Variants in NEFL observed in about 807,000 individuals in gnomAD.
NEFL encodes the protein neurofilament light polypeptide.
NEFL carries 36 observed loss-of-function variants against 51.6 expected under a neutral mutation model. That is an observed-to-expected ratio of 0.70 (90% CI 0.53 to 0.92). The LOEUF (loss-of-function observed/expected upper bound fraction) is 0.92, where lower values mean the gene tolerates loss of function less well. Among genes scored for constraint, NEFL ranks in the 40% least tolerant of loss-of-function variants. NEFL has a pLI of 0.00. For missense variants in NEFL, 671 were observed against 722.0 expected, an observed-to-expected ratio of 0.93 and a Z score of 0.81; for synonymous variants, 332 against 302.5, an observed-to-expected ratio of 1.10 and a Z score of -1.01.
Position 24,955,531 on chromosome 8 carries a change from G to C in NEFL, c.985C>G (p.Leu329Val), listed in dbSNP as rs1467459159. The C allele has an allele frequency of 6.2e-7, 1 of 1,613,022 alleles. No individual in the cohort carries two copies. Among genetic ancestry groups the C allele is most frequent in the Non-Finnish European group, 8.5e-7 (1 of 1,179,804 alleles). Reference sequence around the variant, plus strand: ...TCCAGCTCCTGCAGCTGCTTCTCCAGCGCTTCATTCATGCCCCGGCATGCT... The same window carrying C: ...TCCAGCTCCTGCAGCTGCTTCTCCACCGCTTCATTCATGCCCCGGCATGCT... ...IEACRGMNEALEKQLQELEDK... is the reference protein window; with the variant it reads ...IEACRGMNEAVEKQLQELEDK... Residue 329 changes from leucine (L) to valine (V), a missense_variant, in exon 1 of 4, where the codon CTG (leucine) becomes GTG (valine). Leu to Val is a conservative substitution (Grantham distance 32). Coordinates refer to ENST00000610854, the MANE Select transcript of NEFL (RefSeq NM_006158.5). The surrounding 1 kb of genome is among the most constrained non-coding windows in gnomAD (Gnocchi z 4.0).
At position 24,952,631 on chromosome 8, in the gene NEFL, T is replaced by G; in HGVS notation, c.*179A>C. The G allele has an allele frequency of 1.0e-6, 1 of 1,000,196 alleles. No homozygotes were observed. The highest frequency in any genetic ancestry group is 1.4e-6 in the Non-Finnish European group (1 of 698,966). 62.0% of individuals were successfully genotyped at this position (1,000,196 alleles called of 1,614,324 possible). On this transcript the variant is annotated 3_prime_UTR_variant, in exon 4 of 4. Transcript: ENST00000610854. ...CCACTCTGCAAGCAAACAGATACTC[T>G]GCATAAAGAGGAAATTCATAGCACA...
Position 24,953,657 on chromosome 8 carries a change from G to A in NEFL, c.1308C>T (p.Thr436=). ...TGGTGTAGTAGGACGGGAAGGAGCG[G>A]GTGGACATCAGATAGGAGCTGGTCT... is the stretch of plus-strand genomic sequence containing the variant. The part of the protein sequence containing the change: ...GLQTSSYLMS[T]RSFPSYYTSH... The change falls in exon 3 of 4, where the codon ACC becomes ACT. Residue 436 remains threonine, a synonymous_variant. Transcript: ENST00000610854. The A allele has an allele frequency of 3.1e-6, 5 of 1,613,954 alleles. No individual in the cohort carries two copies. The highest frequency in any genetic ancestry group is 4.2e-6 in the Non-Finnish European group (5 of 1,179,892).
In NEFL at chr8:24,956,599, G is replaced by C; in HGVS notation, c.-84C>G. The C allele has an allele frequency of 7.6e-7, 1 of 1,307,664 alleles. No individual in the cohort carries two copies. Among genetic ancestry groups the C allele is most frequent in the Non-Finnish European group, 1.1e-6 (1 of 927,758 alleles). 81.0% of individuals were successfully genotyped at this position (1,307,664 alleles called of 1,614,324 possible). ...AGGGGAGAGAGGGAAGGGGGAGGAT[G>C]GATGGCTGTGTGCGGCTCGGCGCCG... On this transcript the variant is annotated 5_prime_UTR_variant, in exon 1 of 4. Coordinates refer to ENST00000610854, the MANE Select transcript of NEFL (RefSeq NM_006158.5). This position sits in a 1 kb window ranked among gnomAD's most constrained non-coding sequence, Gnocchi z 5.9.
In NEFL at chr8:24,956,381, C is replaced by G; in HGVS notation, c.135G>C (p.Ala45=). ...GCACGGACAGCGAGGAAGACACCGGCGCCGAGTAGCTGGAGTAAGCTGAGC... is the reference window on the plus strand; with the variant it reads ...GCACGGACAGCGAGGAAGACACCGGGGCCGAGTAGCTGGAGTAAGCTGAGC... The part of the protein sequence containing the change: ...TARSAYSSYS[A]PVSSSLSVRR... The change falls in exon 1 of 4, where the codon GCG becomes GCC. Residue 45 remains alanine (A), a synonymous_variant. Transcript: ENST00000610854. This position sits in a 1 kb window ranked among gnomAD's most constrained non-coding sequence, Gnocchi z 5.9. 6.2e-7 allele frequency: 1 copy of G among 1,605,392 alleles called. No individual in the cohort carries two copies. Among genetic ancestry groups the G allele is most frequent in the Non-Finnish European group, 8.5e-7 (1 of 1,176,462 alleles).
rs1803026422 is a variant in NEFL at position 24,955,153 on chromosome 8, G to A, written c.1044+319C>T. On this transcript the variant is annotated intron_variant, in intron 1 of 3. Transcript: ENST00000610854. This position sits in a 1 kb window ranked among gnomAD's most constrained non-coding sequence, Gnocchi z 4.0. ...TGCAAAGTAACTTGTGGTTAATGCA[G>A]GTCAGTAGAGAGCTGATCTCACTGC... 3 of 417,264 alleles carry A rather than the reference G, an allele frequency of 7.2e-6. No individual in the cohort carries two copies. The highest frequency in any genetic ancestry group is 4.2e-5 in the East Asian group (1 of 23,938). The allele number at this position is 417,264 out of a possible 1,614,324, so 25.8% of individuals were successfully genotyped here. A position where few individuals can be genotyped will look rare whatever the true frequency, so the allele number is the denominator to read the frequency against.
chr8:24,955,507 C>G lies in NEFL; in HGVS notation c.1009G>C (p.Glu337Gln). 1.9e-6 allele frequency: 3 copies of G among 1,612,180 alleles called. No individual in the cohort carries two copies. The highest frequency in any genetic ancestry group is 1.3e-5 in the African/African-American group (1 of 74,914). The part of the protein sequence containing the change: ...EALEKQLQEL[E>Q]DKQNADISAM... ...CTGATGTCGGCGTTCTGCTTGTCCT[C>G]CAGCTCCTGCAGCTGCTTCTCCAGC... The change falls in exon 1 of 4, where the codon GAG becomes CAG. Residue 337 changes from glutamate (E) to glutamine (Q), a missense_variant. Transcript: ENST00000610854. The surrounding 1 kb of genome is among the most constrained non-coding windows in gnomAD (Gnocchi z 4.0).
At position 24,955,451 on chromosome 8, in the gene NEFL, G is replaced by C; in HGVS notation, c.1044+21C>G. 4 of 1,505,382 alleles carry C rather than the reference G, an allele frequency of 2.7e-6. No homozygotes were observed. The highest frequency in any genetic ancestry group is 2.4e-5 in the East Asian group (1 of 42,466). 93.3% of individuals were successfully genotyped at this position (1,505,382 alleles called of 1,614,324 possible). The stretch of plus-strand genomic sequence containing the variant: ...CCTTGCTCGAGTCCCCCGCCCCCCT[G>C]TGTTTCTGGCCGTGCCGCACCTGCA... On this transcript the variant is annotated intron_variant, in intron 1 of 3. Transcript: ENST00000610854. This position sits in a 1 kb window ranked among gnomAD's most constrained non-coding sequence, Gnocchi z 4.0.
rs371515323 is a variant in NEFL at position 24,955,580 on chromosome 8, G to A, written c.936C>T (p.Leu312=). 31 of 1,613,630 alleles carry A rather than the reference G, an allele frequency of 1.9e-5. No individual in the cohort carries two copies. The highest frequency in any genetic ancestry group is 1.6e-4 in the Middle Eastern group (1 of 6,084). The change falls in exon 1 of 4, where the codon CTC becomes CTT. Residue 312 remains leucine, a synonymous_variant. Coordinates refer to ENST00000610854, the MANE Select transcript of NEFL (RefSeq NM_006158.5). This position sits in a 1 kb window ranked among gnomAD's most constrained non-coding sequence, Gnocchi z 4.0. ...CTTCGATTTCCAGGGTCTTGGCCTTGAGCAGACGACGGCTCTCGGACACCT... is the reference window on the plus strand; with the variant it reads ...CTTCGATTTCCAGGGTCTTGGCCTTAAGCAGACGACGGCTCTCGGACACCT... ...KDEVSESRRL[L]KAKTLEIEAC... is the part of the protein sequence containing the mutation.
chr8:24,954,101 C>A, intron 2 of NEFL, 80 bp downstream of exon 2: 1 of 1,582,786 alleles, frequency 6.3e-7, no homozygotes, highest in Non-Finnish European at 8.6e-7. Context: ...TTGAAGGTTT[C>A]TGATCCAACA....
rs752771636 is a variant in NEFL at position 24,956,026 on chromosome 8, G to A, written c.490C>T (p.Arg164Cys). ...CGCAGGGTCTCCTCCAGCCCTTCGCGCTCGCCCTGGAGCGCCTGCTTCTCG... is the reference window on the plus strand; with the variant it reads ...CGCAGGGTCTCCTCCAGCCCTTCGCACTCGCCCTGGAGCGCCTGCTTCTCG... Reference protein sequence around the residue: ...TNEKQALQGEREGLEETLRNL... With the variant: ...TNEKQALQGECEGLEETLRNL... Residue 164 changes from arginine to cysteine, a missense_variant, in exon 1 of 4, where the codon CGC (arginine) becomes TGC (cysteine). Arg to Cys is a radical substitution (Grantham distance 180). Transcript: ENST00000610854. The surrounding 1 kb of genome is among the most constrained non-coding windows in gnomAD (Gnocchi z 5.9). The A allele has an allele frequency of 1.2e-6, 2 of 1,604,276 alleles. No homozygotes were observed. Among genetic ancestry groups the A allele is most frequent in the South Asian group, 2.2e-5 (2 of 90,642 alleles).
rs1439617051 is a variant in NEFL, at chr8:24,952,570, C to T, written c.*240G>A. The T allele has an allele frequency of 1.6e-5, 9 of 553,312 alleles. No individual in the cohort carries two copies. The highest frequency in any genetic ancestry group is 4.8e-4 in the Middle Eastern group (1 of 2,074). 34.3% of individuals were successfully genotyped at this position (553,312 alleles called of 1,614,324 possible). On this transcript the variant is annotated 3_prime_UTR_variant, in exon 4 of 4. Transcript: ENST00000610854. The stretch of plus-strand genomic sequence containing the variant: ...TTGCCGTAGATCCTGAACTCATAAG[C>T]GTGGTCCATGCACAGGCTGGCAGCA...
Position 24,955,924 on chromosome 8 carries a change from C to T in NEFL, c.592G>A (p.Gly198Ser). ...CGAGCGAGCGCCGCCTCGTCGGCGC[C>T]TTTGCGCGCTTCCATCAGCCGGCCC... ...AEGRLMEARK[G>S]ADEAALARAE... Residue 198 changes from glycine to serine, a missense_variant, in exon 1 of 4, where the codon GGC becomes AGC. Coordinates refer to ENST00000610854, the MANE Select transcript of NEFL (RefSeq NM_006158.5). The surrounding 1 kb of genome is among the most constrained non-coding windows in gnomAD (Gnocchi z 4.0). The T allele has an allele frequency of 6.2e-7, 1 of 1,604,414 alleles. No homozygotes were observed. Among genetic ancestry groups the T allele is most frequent in the Non-Finnish European group, 8.5e-7 (1 of 1,179,618 alleles).
chr8:24,953,032 C>A, intron 3 of NEFL, 80 bp from the exon 4 acceptor site: 1 of 1,478,734 alleles, frequency 6.8e-7, no homozygotes. Context: ...GTTTTATTTG[C>A]AAACACAACT....
Position 24,954,254 on chromosome 8 carries a change from C to T in NEFL, c.1096G>A (p.Ala366Thr). The change falls in exon 2 of 4, where the codon GCA (alanine) becomes ACA (threonine). Residue 366 changes from alanine to threonine, a missense_variant. Ala to Thr is a moderately conservative substitution (Grantham distance 58). Coordinates refer to ENST00000610854, the MANE Select transcript of NEFL (RefSeq NM_006158.5). ...TCTTGGTATTCTTTTAGGTATCGTG[C>T]CATTTCACTCTTTGTGGTCCTCAAT... The part of the protein sequence containing the change: ...NELRTTKSEM[A>T]RYLKEYQDLL... 6.2e-7 allele frequency: 1 copy of T among 1,613,816 alleles called. No homozygotes were observed. Among genetic ancestry groups the T allele is most frequent in the Non-Finnish European group, 8.5e-7 (1 of 1,179,832 alleles).
In NEFL at chr8:24,953,740, T is replaced by G. The variant is rs903287181; in HGVS notation, c.1225A>C (p.Thr409Pro). The G allele has an allele frequency of 3.7e-6, 6 of 1,613,926 alleles. No individual in the cohort carries two copies. The highest frequency in any genetic ancestry group is 5.1e-6 in the Non-Finnish European group (6 of 1,179,844). The change falls in exon 3 of 4, where the codon ACC (threonine) becomes CCC (proline). Residue 409 changes from threonine (T) to proline (P), a missense_variant. Thr to Pro is a conservative substitution (Grantham distance 38, BLOSUM62 -1). Transcript: ENST00000610854. The part of the protein sequence containing the change: ...RLSFTSVGSI[T>P]SGYSQSSQVF... Reference sequence around the variant, plus strand: ...TGGGAGCTCTGGGAGTAGCCACTGGTTATGCTTCCCACGCTGGTGAAACTG... The same window carrying G: ...TGGGAGCTCTGGGAGTAGCCACTGGGTATGCTTCCCACGCTGGTGAAACTG...
Position 24,951,210 on chromosome 8 carries a change from A to G in NEFL, c.*1600T>C, listed in dbSNP as rs1347273938. On this transcript the variant is annotated 3_prime_UTR_variant, in exon 4 of 4. Transcript: ENST00000610854. ...TACACTGAGAGCCTTCATAGTTCCAATCCATTACCATCATGGCAAGGAAGC... is the reference window on the plus strand; with the variant it reads ...TACACTGAGAGCCTTCATAGTTCCAGTCCATTACCATCATGGCAAGGAAGC... The G allele has an allele frequency of 6.6e-6, 1 of 152,286 alleles. No individual in the cohort carries two copies. Among genetic ancestry groups the G allele is most frequent in the Non-Finnish European group, 1.5e-5 (1 of 68,032 alleles). The allele number at this position is 152,286 out of a possible 1,614,324, so 9.4% of individuals were successfully genotyped here. A position where few individuals can be genotyped will look rare whatever the true frequency, so the allele number is the denominator to read the frequency against.
chr8:24,955,222 C>G lies in NEFL; in HGVS notation c.1044+250G>C. ...AATTCCCACGTCTTCCCCTCCCCCA[C>G]CCAACAAGGGCTGGGCAGCTTTAAT... On this transcript the variant is annotated intron_variant, in intron 1 of 3. Coordinates refer to ENST00000610854, the MANE Select transcript of NEFL (RefSeq NM_006158.5). This position sits in a 1 kb window ranked among gnomAD's most constrained non-coding sequence, Gnocchi z 4.0. 1 of 505,454 alleles carries G rather than the reference C, an allele frequency of 2.0e-6. No homozygotes were observed. The highest frequency in any genetic ancestry group is 1.9e-5 in the African/African-American group (1 of 52,278). The allele number at this position is 505,454 out of a possible 1,614,324, so 31.3% of individuals were successfully genotyped here.
rs549896095 is a variant in NEFL, at chr8:24,952,569, G to T, written c.*241C>A. On this transcript the variant is annotated 3_prime_UTR_variant, in exon 4 of 4. Coordinates refer to ENST00000610854, the MANE Select transcript of NEFL (RefSeq NM_006158.5). ...ATTGCCGTAGATCCTGAACTCATAA[G>T]CGTGGTCCATGCACAGGCTGGCAGC... The T allele has an allele frequency of 2.9e-5, 16 of 552,190 alleles. No individual in the cohort carries two copies. Among genetic ancestry groups the T allele is most frequent in the Non-Finnish European group, 3.8e-5 (12 of 314,604 alleles). The allele number at this position is 552,190 out of a possible 1,614,324, so 34.2% of individuals were successfully genotyped here. A position where few individuals can be genotyped will look rare whatever the true frequency, so the allele number is the denominator to read the frequency against.
In NEFL at chr8:24,952,641, G is replaced by A. The variant is rs547391976; in HGVS notation, c.*169C>T. ...AGCAAACAGATACTCTGCATAAAGA[G>A]GAAATTCATAGCACAACATTGAATG... On this transcript the variant is annotated 3_prime_UTR_variant, in exon 4 of 4. Coordinates refer to ENST00000610854, the MANE Select transcript of NEFL (RefSeq NM_006158.5). 2 of 1,106,280 alleles carry A rather than the reference G, an allele frequency of 1.8e-6. No individual in the cohort carries two copies. Among genetic ancestry groups the A allele is most frequent in the African/African-American group, 3.1e-5 (2 of 63,720 alleles). The allele number at this position is 1,106,280 out of a possible 1,614,324, so 68.5% of individuals were successfully genotyped here.
Sources: gnomAD v4.1 joint callset for allele counts on GRCh38, gnomAD v4.1.1 for gene constraint, Gnocchi (gnomAD v3.1) non-coding constraint, MANE v1.5 for transcripts, NCBI Gene and HGNC (gene_info 2026-07-23, HGNC 2026-07-21) for gene names.